ULK4: variants seen among roughly 807,000 people sequenced by gnomAD.
The protein encoded by ULK4 is inactive serine/threonine-protein kinase ULK4.
A neutral mutation model predicts 160.6 loss-of-function variants in ULK4; 133 were observed. The observed-to-expected ratio is 0.83, with a 90% CI of 0.72 to 0.96. The LOEUF is 0.96. Among genes scored for constraint, ULK4 ranks in the 40% least tolerant of loss-of-function variants. ULK4 has a pLI of 0.00. For missense variants in ULK4, 1,580 were observed against 1,499.5 expected (o/e 1.05, Z -0.89); for synonymous variants, 534 against 539.8 (o/e 0.99, Z 0.15).
chr3:41,669,715 T>A (rs1011636362), intron 29 of ULK4, among the ~76,000 whole-genome samples: 2 of 152,096 alleles, frequency 1.3e-5, no homozygotes, highest in African/African-American at 4.8e-5. Flanking sequence ...TGATTGGGAA[T>A]TGTTTAAATG....
intron 1 of ULK4, among the ~76,000 whole-genome samples, chr3:41,960,960 A>G (rs995442621): frequency 1.3e-5 from 2 of 152,060 alleles, no homozygotes; most frequent in African/African-American, 4.8e-5. Flanking sequence ...CCTGATCCCC[A>G]AAAGTTAACC....
intron 30 of ULK4, among the ~76,000 whole-genome samples, chr3:41,652,300 T>C (rs982960016): frequency 1.4e-4 from 21 of 150,854 alleles, no homozygotes; most frequent in Admixed American, 1.3e-3. Flanking sequence ...TATGAATAAG[T>C]AAAAAAAAAT....
chr3:41,941,263 C>T (rs1699943880), intron 2 of ULK4, among the ~76,000 whole-genome samples: 1 of 145,136 alleles, frequency 6.9e-6, no homozygotes, highest in Admixed American at 7.2e-5. Context: ...GTCTTGAACT[C>T]CTGGGTTCAA....
chr3:41,863,315 G>A (rs1442856565), intron 17 of ULK4, among the ~76,000 whole-genome samples: 1 of 152,096 alleles, frequency 6.6e-6, no homozygotes. Context: ...CATAAATGCT[G>A]CCTGACCTGG....
chr3:41,858,549 G>A (rs2042425873), intron 17 of ULK4, among the ~76,000 whole-genome samples: 1 of 145,088 alleles, frequency 6.9e-6, no homozygotes, highest in South Asian at 2.2e-4. Context: ...CTGGAGTGCA[G>A]TGGCATGATC....
intron 19 of ULK4, among the ~76,000 whole-genome samples, chr3:41,808,344 A>G (rs1288688575): frequency 1.3e-5 from 2 of 152,190 alleles, no homozygotes; most frequent in Non-Finnish European, 2.9e-5. Flanking sequence ...CTAGTACTAG[A>G]AAACCACAAC....
At chr3:41,912,299 T>C (rs1246658629) in intron 9 of ULK4, among the ~76,000 whole-genome samples, 2 of 143,518 alleles carry the variant, frequency 1.4e-5, no homozygotes, top group African/African-American at 5.3e-5. Flanking sequence ...ACTACACTCC[T>C]GCCTAGGTGA....
chr3:41,759,052 A>G (rs2038901348), intron 21 of ULK4, among the ~76,000 whole-genome samples: 1 of 152,160 alleles, frequency 6.6e-6, no homozygotes. Flanking sequence ...AAGCAAGTAG[A>G]AAACAAAAAA....
chr3:41,807,203 TA>T (rs527310227), intron 19 of ULK4, among the ~76,000 whole-genome samples: 17 of 151,878 alleles, frequency 1.1e-4, no homozygotes, highest in Non-Finnish European at 1.9e-4. Flanking sequence ...TTAATTAAAA[TA>T]AAAAATACAT....
At chr3:41,706,372 T>TATATA (rs202133465) in intron 25 of ULK4, among the ~76,000 whole-genome samples, 1 of 146,034 alleles carries the variant, frequency 6.8e-6, no homozygotes, top group Admixed American at 6.9e-5. Flanking sequence ...TATATATATA[T>TATATA]TTAATATATA....
Position 41,378,842 on chromosome 3 carries a change from T to C in ULK4, c.3678+19237A>G, listed in dbSNP as rs575121837. Among the ~76,000 whole-genome samples the C allele has an allele frequency of 4.7e-5, 7 of 149,606 alleles. No homozygotes were observed. The South Asian group carries it at 1.5e-3, about 32-fold the overall frequency. ...ACAAAATAAAATAAAAAAGAAAATG[T>C]GGCACATTTACACCATGGAATACTA... On this transcript the variant is annotated intron_variant, in intron 35 of 36. Transcript: ENST00000301831.
chr3:41,764,451 C>CA (rs985209017), intron 21 of ULK4, among the ~76,000 whole-genome samples: 4 of 151,566 alleles, frequency 2.6e-5, no homozygotes, highest in African/African-American at 7.3e-5. Flanking sequence ...ACAAATCATA[C>CA]AAAAAAAAGT....
intron 32 of ULK4, among the ~76,000 whole-genome samples, chr3:41,524,682 G>A (rs1391266083): frequency 6.6e-6 from 1 of 152,164 alleles, no homozygotes; most frequent in Non-Finnish European, 1.5e-5. Flanking sequence ...GTTCATGCCT[G>A]TAATCCCAGC....
chr3:41,597,438 T>C (rs2031766087), intron 31 of ULK4, among the ~76,000 whole-genome samples: 1 of 152,176 alleles, frequency 6.6e-6, no homozygotes, highest in African/African-American at 2.4e-5. Flanking sequence ...AAGTGAAAGT[T>C]TGCTCTGTAA....
At chr3:41,649,538 G>T (rs765071131) in intron 30 of ULK4, among the ~76,000 whole-genome samples, 1 of 152,168 alleles carries the variant, frequency 6.6e-6, no homozygotes, top group Admixed American at 6.5e-5. Flanking sequence ...CACCTCCTCC[G>T]GTTGTGGCCG....
At chr3:41,381,090 A>G (rs2081640397) in intron 35 of ULK4, among the ~76,000 whole-genome samples, 2 of 152,094 alleles carry the variant, frequency 1.3e-5, no homozygotes, top group African/African-American at 4.8e-5. Context: ...TGTGGCAGTT[A>G]TCTGTGGGTT....
At chr3:41,579,525 G>T (rs988090279) in intron 31 of ULK4, among the ~76,000 whole-genome samples, 2 of 120,760 alleles carry the variant, frequency 1.7e-5, no homozygotes, top group African/African-American at 6.2e-5. Context: ...ACGGAGTTTC[G>T]CTCTGTCGCC....
intron 35 of ULK4, among the ~76,000 whole-genome samples, chr3:41,255,146 A>ACACACACACT (rs1408536014): frequency 6.6e-6 from 1 of 151,756 alleles, no homozygotes; most frequent in Admixed American, 6.6e-5. Context: ...ACACACACAC[A>ACACACACACT]CACACACACA....
At chr3:41,512,178 C>G (rs4575869) in intron 32 of ULK4, among the ~76,000 whole-genome samples, 136,091 of 152,216 alleles carry the variant, frequency 0.89, 61,306 homozygotes, top group Middle Eastern at 0.95. Context: ...ACATTATACT[C>G]AACAGGGAAA....
Sources: gnomAD v4.1 joint callset for allele counts (sites outside exome capture counted in the v4.1 genomes callset) on GRCh38, gnomAD v4.1.1 for gene constraint, MANE v1.5 for transcripts, NCBI Gene and HGNC (gene_info 2026-07-23, HGNC 2026-07-21) for gene names.